The following GLB1L3 variants were observed in gnomAD, a reference collection of about 807,000 sequenced individuals.
GLB1L3 encodes beta-galactosidase-1-like protein 3.
A neutral mutation model predicts 89.5 loss-of-function variants in GLB1L3; 89 were observed. The ratio of observed to expected loss-of-function variants is 0.99; its 90% CI spans 0.84 to 1.19. GLB1L3 has a LOEUF of 1.19. GLB1L3 is among the 50% of genes most tolerant of loss of function. The probability of loss-of-function intolerance (pLI) is 0.00; values close to 1 mark genes in which losing one functional copy is unlikely to be tolerated. For missense variants in GLB1L3, 812 were observed against 813.3 expected (o/e 1.00, Z 0.02); for synonymous variants, 314 against 312.3 (o/e 1.01, Z -0.06).
At chr11:134,311,283 C>G in intron 13 of GLB1L3, 113 bp downstream of exon 13, 2 of 823,594 alleles carry the variant, frequency 2.4e-6, no homozygotes, top group Non-Finnish European at 4.1e-6. Flanking sequence ...GCATTTCATT[C>G]AAATTTAGAA....
In GLB1L3 at chr11:134,276,780, G is replaced by T; in HGVS notation, c.23+17G>T. 7.0e-7 allele frequency: 1 copy of T among 1,422,178 alleles called. No homozygotes were observed. Among genetic ancestry groups the T allele is most frequent in the Non-Finnish European group, 9.2e-7 (1 of 1,086,822 alleles). The allele number at this position is 1,422,178 out of a possible 1,614,324, so 88.1% of individuals were successfully genotyped here. A position where few individuals can be genotyped will look rare whatever the true frequency, so the allele number is the denominator to read the frequency against. On this transcript the variant is annotated intron_variant, in intron 1 of 19. Coordinates refer to ENST00000431683, the MANE Select transcript of GLB1L3 (RefSeq NM_001080407.3). The stretch of plus-strand genomic sequence containing the variant: ...CCTCCTCAGGTGACGGATCGCCGCT[G>T]CCGTCCCGGGCTGCCCACCACCCCG...
chr11:134,283,422 A>G (rs1013037595), intron 5 of GLB1L3, among the ~76,000 whole-genome samples: 11 of 152,240 alleles, frequency 7.2e-5, no homozygotes, highest in Non-Finnish European at 1.6e-4. Flanking sequence ...AGGTAGAAGA[A>G]AAAGCTCTTT....
At position 134,319,527 on chromosome 11, in the gene GLB1L3, C is replaced by G. The variant is rs765285323; in HGVS notation, c.*585C>G. The G allele has an allele frequency of 7.2e-5, 11 of 151,992 alleles. No individual in the cohort carries two copies. The highest frequency in any genetic ancestry group is 3.3e-4 in the Admixed American group (5 of 15,258). The allele number at this position is 151,992 out of a possible 1,614,324, so 9.4% of individuals were successfully genotyped here. A position where few individuals can be genotyped will look rare whatever the true frequency, so the allele number is the denominator to read the frequency against. On this transcript the variant is annotated 3_prime_UTR_variant, in exon 20 of 20. Transcript: ENST00000431683. ...GGCTCTTATTCTTTAATTAAACGTGCCTTTGAGTAGATGTGAATAAAATAA... is the reference window on the plus strand; with the variant it reads ...GGCTCTTATTCTTTAATTAAACGTGGCTTTGAGTAGATGTGAATAAAATAA...
intron 9 of GLB1L3, among the ~76,000 whole-genome samples, chr11:134,300,492 C>T (rs573147954): frequency 1.7e-4 from 26 of 152,072 alleles, no homozygotes; most frequent in Non-Finnish European, 3.4e-4. Flanking sequence ...TCCACCACGC[C>T]AGGCTAATTT....
chr11:134,304,822 T>G (rs1942111466), intron 9 of GLB1L3, among the ~76,000 whole-genome samples: 1 of 152,188 alleles, frequency 6.6e-6, no homozygotes, highest in Non-Finnish European at 1.5e-5. Flanking sequence ...TAGAAAGTTT[T>G]TGGTGTTCCT....
intron 9 of GLB1L3, 92 bp from the exon 10 acceptor site, chr11:134,307,032 A>G (rs1942236468): frequency 1.3e-6 from 1 of 797,962 alleles, no homozygotes; most frequent in Non-Finnish European, 2.1e-6. Context: ...GAAACGCATG[A>G]GTTCCTTAGT....
chr11:134,289,709 G>T (rs552080886), intron 7 of GLB1L3, among the ~76,000 whole-genome samples: 6 of 152,148 alleles, frequency 3.9e-5, no homozygotes, highest in Non-Finnish European at 8.8e-5. Flanking sequence ...AAGCTTTCTG[G>T]CCTGTAAGAT....
rs1940455847 is a variant in GLB1L3 at position 134,277,722 on chromosome 11, C to T, written c.172C>T (p.Pro58Ser). The change falls in exon 3 of 20, where the codon CCT (proline) becomes TCT (serine). Residue 58 changes from proline (P) to serine (S), a missense_variant. Coordinates refer to ENST00000431683, the MANE Select transcript of GLB1L3 (RefSeq NM_001080407.3). ...CAGGTTTAATTGGTCTCATCTGACC[C>T]CTCTGGAGCTGAAGAATCGATCTGT... is the stretch of plus-strand genomic sequence containing the variant. Reference protein sequence around the residue: ...QPRFNWSHLTPLELKNRSVGL... With the variant: ...QPRFNWSHLTSLELKNRSVGL... 7 of 1,611,344 alleles carry T rather than the reference C, an allele frequency of 4.3e-6. No individual in the cohort carries two copies. In the South Asian group the frequency reaches 7.7e-5, roughly 18 times the overall value.
intron 9 of GLB1L3, among the ~76,000 whole-genome samples, chr11:134,304,558 CCTTTT>C (rs1477382831): frequency 7.9e-5 from 12 of 152,236 alleles, no homozygotes; most frequent in African/African-American, 2.6e-4. Flanking sequence ...ACTTTTCACT[CCTTTT>C]CTTTTCATGT....
intron 8 of GLB1L3, chr11:134,292,893 C>A (rs1421125219): frequency 1.4e-5 from 8 of 565,172 alleles, no homozygotes; most frequent in South Asian, 2.0e-5. Context: ...TGTCAGGGAG[C>A]CTTGGCCTGG....
chr11:134,285,782 C>CA (rs891647298), intron 6 of GLB1L3, among the ~76,000 whole-genome samples: 4 of 151,752 alleles, frequency 2.6e-5, no homozygotes, highest in African/African-American at 4.8e-5. Context: ...AAAAACAAAC[C>CA]AAAAAAACAC....
In GLB1L3 at chr11:134,309,702, C is replaced by T. The variant is rs1288687825; in HGVS notation, c.1038C>T (p.Asn346=). Residue 346 remains asparagine, a synonymous_variant, in exon 11 of 20, where the codon AAC becomes AAT. Transcript: ENST00000431683. ...TATATATGTTCCATGGTGGAACCAA[C>T]TTTGGTTTCATGAACGGGGCCACAT... The part of the protein sequence containing the change: ...FNVYMFHGGT[N]FGFMNGATYF... 1.5e-5 allele frequency: 25 copies of T among 1,613,244 alleles called. No individual in the cohort carries two copies. The East Asian group carries it at 5.6e-4, about 36-fold the overall frequency.
chr11:134,296,836 T>A (rs375945539), intron 9 of GLB1L3, among the ~76,000 whole-genome samples: 1 of 142,408 alleles, frequency 7.0e-6, no homozygotes, highest in Non-Finnish European at 1.5e-5. Flanking sequence ...AAACTTAAAG[T>A]ATAATAATAA....
chr11:134,308,426 C>CACCACCACCACCACCAA lies in GLB1L3; in HGVS notation c.962-1199_962-1198insCCACCACCACCACCAAA, dbSNP rs1260556556. Among the ~76,000 whole-genome samples, 32 of 103,666 alleles carry CACCACCACCACCACCAA rather than the reference C, an allele frequency of 3.1e-4. 2 individuals are homozygous for CACCACCACCACCACCAA. The highest frequency in any genetic ancestry group is 5.3e-4 in the Non-Finnish European group (28 of 52,356). 68.0% of individuals were successfully genotyped at this position (103,666 alleles called of 152,430 possible). On this transcript the variant is annotated intron_variant, in intron 10 of 19. Transcript: ENST00000431683. ...CCATCACCACCACCACCATCATCACCATCACCACCACCACCACCATCACCA... is the reference window on the plus strand; with the variant it reads ...CCATCACCACCACCACCATCATCACCACCACCACCACCACCAAATCACCACCACCACCACCATCACCA...
chr11:134,308,229 C>CCATCAT, intron 10 of GLB1L3, among the ~76,000 whole-genome samples: 1 of 25,232 alleles, frequency 4.0e-5, no homozygotes, highest in Non-Finnish European at 7.6e-5. Flanking sequence ...ACCATCACCA[C>CCATCAT]CACCACCATC....
intron 11 of GLB1L3, chr11:134,310,036 G>T: frequency 4.1e-6 from 2 of 487,006 alleles, no homozygotes; most frequent in Non-Finnish European, 7.4e-6. Flanking sequence ...GAGAGGCAGG[G>T]TAGGAACGGT....
chr11:134,305,809 A>G (rs1185100453), intron 9 of GLB1L3, among the ~76,000 whole-genome samples: 1 of 152,204 alleles, frequency 6.6e-6, no homozygotes, highest in Non-Finnish European at 1.5e-5. Flanking sequence ...AAGAGGGACA[A>G]TCAGGGAACC....
chr11:134,305,750 C>T (rs1942176928), intron 9 of GLB1L3, among the ~76,000 whole-genome samples: 1 of 151,932 alleles, frequency 6.6e-6, no homozygotes, highest in Non-Finnish European at 1.5e-5. Context: ...TATTAATATG[C>T]ATAGAGATAT....
chr11:134,277,509 GA>G (rs1346952600), intron 2 of GLB1L3, 58 bp downstream of exon 2: 1 of 1,595,862 alleles, frequency 6.3e-7, no homozygotes, highest in Non-Finnish European at 8.5e-7. Context: ...CTTTCTTGGA[GA>G]AAATAGTATC....
Sources: allele counts gnomAD v4.1 joint callset (sites outside exome capture counted in the v4.1 genomes callset), GRCh38; gene constraint gnomAD v4.1.1; transcripts MANE v1.5; gene names NCBI Gene and HGNC (gene_info 2026-07-23, HGNC 2026-07-21).